Variants in EYS observed in about 807,000 individuals in gnomAD.
The protein encoded by EYS is protein eyes shut homolog.
A neutral mutation model predicts 282.1 loss-of-function variants in EYS; 250 were observed. That is an observed-to-expected ratio of 0.89 (90% CI 0.80 to 0.98). EYS has a LOEUF of 0.98. EYS is among the 50% of genes least tolerant of loss of function. EYS has a pLI of 0.00. For missense variants in EYS, 4,016 were observed against 3,709.0 expected, an observed-to-expected ratio of 1.08 and a Z score of -2.15; for synonymous variants, 1,355 against 1,282.9, an observed-to-expected ratio of 1.06 and a Z score of -1.20.
In EYS at chr6:65,615,354, C is replaced by T. The variant is rs117179768; in HGVS notation, c.-333+24424G>A. 1.6e-4 allele frequency among the ~76,000 whole-genome samples: 24 copies of T among 149,692 alleles called. No individual in the cohort carries two copies. The East Asian group carries it at 4.3e-3, about 27-fold the overall frequency. ...AGGAAAATAATTCATCCCAGTTATC[C>T]GAATATTCAAAACCGAGTTCATTTT... On this transcript the variant is annotated intron_variant, in intron 2 of 42. Transcript: ENST00000503581.
intron 13 of EYS, among the ~76,000 whole-genome samples, chr6:65,024,446 G>C (rs752352128): frequency 5.9e-5 from 9 of 152,300 alleles, no homozygotes; most frequent in African/African-American, 2.2e-4. Flanking sequence ...GGGGAGCCAG[G>C]CTTCTGTCCA....
intron 12 of EYS, among the ~76,000 whole-genome samples, chr6:65,089,317 T>C (rs541639941): frequency 6.6e-6 from 1 of 152,298 alleles, no homozygotes; most frequent in African/African-American, 2.4e-5. Context: ...GTGCTGTGCC[T>C]GCAAAGCCAC....
At chr6:65,608,542 A>G (rs552993275) in intron 2 of EYS, among the ~76,000 whole-genome samples, 2 of 151,974 alleles carry the variant, frequency 1.3e-5, no homozygotes, top group Non-Finnish European at 2.9e-5. Context: ...TACTAAAAAT[A>G]TATTTCATTT....
At chr6:64,085,003 CTCTGTTTTTCTTCT>C (rs145053684) in intron 31 of EYS, among the ~76,000 whole-genome samples, 4,364 of 152,042 alleles carry the variant, frequency 0.029, 67 homozygotes, top group Non-Finnish European at 0.046. Context: ...CAAACTCTGT[CTCTGTTTTTCTTCT>C]GTTGTTTTTT....
At chr6:65,164,786 T>C (rs1442515539) in intron 12 of EYS, among the ~76,000 whole-genome samples, 1 of 151,224 alleles carries the variant, frequency 6.6e-6, no homozygotes, top group African/African-American at 2.4e-5. Flanking sequence ...TCTCCTAGCT[T>C]CTGGTGATTT....
chr6:63,795,594 A>G (rs1444137054), intron 37 of EYS, among the ~76,000 whole-genome samples: 2 of 152,234 alleles, frequency 1.3e-5, no homozygotes, highest in African/African-American at 2.4e-5. Flanking sequence ...AGTTAAGCTT[A>G]TGGTATTTTT....
At position 64,970,782 on chromosome 6, in the gene EYS, G is replaced by T. The variant is rs531807835; in HGVS notation, c.2260-24868C>A. Among the ~76,000 whole-genome samples, 7 of 152,240 alleles carry T rather than the reference G, an allele frequency of 4.6e-5. No homozygotes were observed. In the South Asian group the frequency reaches 8.3e-4, roughly 18 times the overall value. ...GCAGAGAAAAGTCATGACATTACAAGAAAAAGTTAAATTGCTTGATATGTA... is the reference window on the plus strand; with the variant it reads ...GCAGAGAAAAGTCATGACATTACAATAAAAAGTTAAATTGCTTGATATGTA... On this transcript the variant is annotated intron_variant, in intron 14 of 42. Transcript: ENST00000503581.
At chr6:63,814,872 G>A (rs1771140625) in intron 36 of EYS, among the ~76,000 whole-genome samples, 1 of 152,130 alleles carries the variant, frequency 6.6e-6, no homozygotes, top group South Asian at 2.1e-4. Flanking sequence ...TACATAAGCT[G>A]TGCAGGTTTA....
intron 40 of EYS, among the ~76,000 whole-genome samples, chr6:63,776,132 C>G (rs1770058812): frequency 6.6e-6 from 1 of 152,034 alleles, no homozygotes; most frequent in African/African-American, 2.4e-5. Context: ...ATACTGCATT[C>G]CACCCACACG....
chr6:64,710,504 A>T (rs1027552941), intron 22 of EYS, among the ~76,000 whole-genome samples: 3 of 152,046 alleles, frequency 2.0e-5, no homozygotes, highest in African/African-American at 7.2e-5. Context: ...AAACCAAGAA[A>T]CCTGGAATTG....
At chr6:65,386,907 T>C (rs968931557) in intron 7 of EYS, among the ~76,000 whole-genome samples, 3 of 151,736 alleles carry the variant, frequency 2.0e-5, no homozygotes, top group African/African-American at 7.3e-5. Flanking sequence ...AGGATTGTGA[T>C]GGAAATATTT....
chr6:64,272,621 A>T (rs1459746198), intron 30 of EYS, among the ~76,000 whole-genome samples: 1 of 152,164 alleles, frequency 6.6e-6, no homozygotes, highest in Non-Finnish European at 1.5e-5. Flanking sequence ...TCTGACTTGT[A>T]GGGTTTCTGC....
chr6:65,556,245 A>C (rs1768795412), intron 2 of EYS, among the ~76,000 whole-genome samples: 1 of 152,222 alleles, frequency 6.6e-6, no homozygotes, highest in African/African-American at 2.4e-5. Context: ...CTGAGGCAGG[A>C]GGATTGCTTG....
chr6:65,700,129 A>C lies in EYS; in HGVS notation c.-448+7006T>G, dbSNP rs539511068. Among the ~76,000 whole-genome samples, 256 of 150,418 alleles carry C rather than the reference A, an allele frequency of 1.7e-3. 2 individuals are homozygous for C. The highest frequency in any genetic ancestry group is 5.7e-3 in the African/African-American group (235 of 41,214). On this transcript the variant is annotated intron_variant, in intron 1 of 42. Coordinates refer to ENST00000503581, the MANE Select transcript of EYS (RefSeq NM_001142800.2). Reference sequence around the variant, plus strand: ...GACTCCGTCTCAAAAAAAAAAAAAAAAAAAAAAAAACTATATTAAAACATC... The same window carrying C: ...GACTCCGTCTCAAAAAAAAAAAAAACAAAAAAAAAACTATATTAAAACATC...
intron 2 of EYS, among the ~76,000 whole-genome samples, chr6:65,577,200 C>A (rs916242823): frequency 6.6e-6 from 1 of 151,874 alleles, no homozygotes; most frequent in Non-Finnish European, 1.5e-5. Context: ...ATCAAAACAG[C>A]ATGGTACTGG....
chr6:64,959,149 C>G (rs1769827932), intron 14 of EYS, among the ~76,000 whole-genome samples: 1 of 152,068 alleles, frequency 6.6e-6, no homozygotes, highest in African/African-American at 2.4e-5. Flanking sequence ...GGGAGTAGAA[C>G]AATGTAAGAA....
intron 26 of EYS, among the ~76,000 whole-genome samples, chr6:64,538,530 A>T (rs1051385530): frequency 3.9e-5 from 6 of 152,096 alleles, no homozygotes; most frequent in Non-Finnish European, 7.4e-5. Flanking sequence ...CTGTATGCTT[A>T]TTTGAGATTG....
intron 9 of EYS, among the ~76,000 whole-genome samples, chr6:65,350,027 A>G (rs953699346): frequency 2.0e-5 from 3 of 151,460 alleles, no homozygotes; most frequent in Non-Finnish European, 4.4e-5. Context: ...GTTTATTTCT[A>G]ATTAGTGACT....
chr6:65,487,930 C>A (rs1765874207), intron 5 of EYS, among the ~76,000 whole-genome samples: 1 of 151,972 alleles, frequency 6.6e-6, no homozygotes, highest in African/African-American at 2.4e-5. Context: ...GGAATTTATC[C>A]ATTTCTTCTA....
Sources: gnomAD v4.1 joint callset for allele counts (sites outside exome capture counted in the v4.1 genomes callset) on GRCh38, gnomAD v4.1.1 for gene constraint, MANE v1.5 for transcripts, NCBI Gene and HGNC (gene_info 2026-07-23, HGNC 2026-07-21) for gene names.